The following PCDHGA5 variants were observed in gnomAD, a reference collection of about 807,000 sequenced individuals.
PCDHGA5 encodes the protein protocadherin gamma-A5.
In PCDHGA5, 36 loss-of-function variants were observed where a neutral mutation model predicts 56.7. The observed-to-expected ratio is 0.64, with a 90% confidence interval of 0.49 to 0.84. PCDHGA5 has a LOEUF of 0.84. Among genes scored for constraint, PCDHGA5 ranks in the 40% least tolerant of loss-of-function variants. The pLI is 0.00. For synonymous variants in PCDHGA5, 563 were observed against 520.2 expected (o/e 1.08, Z -1.12); for missense variants, 1,305 against 1,201.5 (o/e 1.09, Z -1.27).
intron 1 of PCDHGA5, among the ~76,000 whole-genome samples, chr5:141,381,671 T>TGCTGCAGCCAAGACAA (rs1777346396): frequency 6.6e-6 from 1 of 152,206 alleles, no homozygotes; most frequent in Non-Finnish European, 1.5e-5. Flanking sequence ...TATAGCTGAT[T>TGCTGCAGCCAAGACAA]GCTGCAGCCA....
intron 1 of PCDHGA5, chr5:141,384,871 G>C (rs769607351): frequency 6.2e-7 from 1 of 1,613,766 alleles, no homozygotes; most frequent in Non-Finnish European, 8.5e-7. Context: ...GTCAGCCACC[G>C]TCACACTCAC....
Position 141,441,858 on chromosome 5 carries a change from C to T in PCDHGA5, c.2422-52949C>T, listed in dbSNP as rs535716058. The T allele has an allele frequency of 6.0e-5, 21 of 349,416 alleles. No homozygotes were observed. The East Asian group carries it at 7.4e-4, about 12-fold the overall frequency. The allele number at this position is 349,416 out of a possible 1,614,324, so 21.6% of individuals were successfully genotyped here. On this transcript the variant is annotated intron_variant, in intron 1 of 3. Coordinates refer to ENST00000518069, the MANE Select transcript of PCDHGA5 (RefSeq NM_018918.3). ...TCGCGCTCTTGGATATGGTGCTGCA[C>T]GCCGCGGAGCCTGGCTACCTGGTCA...
intron 1 of PCDHGA5, chr5:141,410,146 C>G: frequency 6.2e-7 from 1 of 1,612,390 alleles, no homozygotes. Flanking sequence ...CTGTGCGTGA[C>G]GGTGGACAGC....
At chr5:141,383,365 G>A (rs763555331) in intron 1 of PCDHGA5, 9 of 1,614,014 alleles carry the variant, frequency 5.6e-6, no homozygotes, top group Admixed American at 3.3e-5. Flanking sequence ...TCCGTTAAGC[G>A]AGGCTGGGGA....
intron 1 of PCDHGA5, chr5:141,393,555 C>T (rs1561643318): frequency 1.2e-6 from 2 of 1,613,808 alleles, no homozygotes; most frequent in Admixed American, 3.3e-5. Context: ...CCCGATTTAC[C>T]GAGTGAAAGT....
rs1440567853 is a variant in PCDHGA5, at chr5:141,366,623, AAG to A, written c.2296_2297del (p.His767ProfsTer14). On this transcript the variant is annotated frameshift_variant, in exon 1 of 4. Coordinates refer to ENST00000518069, the MANE Select transcript of PCDHGA5 (RefSeq NM_018918.3). LOFTEE classifies it high-confidence loss of function. ...HEVSLTADSR[K>X]SHLIFPQPNY... Reference sequence around the variant, plus strand: ...GGTCTCCCTCACCGCGGACTCGAGGAAGAGTCACCTGATCTTTCCCCAGCCCA... The same window carrying A: ...GGTCTCCCTCACCGCGGACTCGAGGAAGTCACCTGATCTTTCCCCAGCCCA... The A allele has an allele frequency of 1.2e-6, 2 of 1,614,242 alleles. No individual in the cohort carries two copies. Among genetic ancestry groups the A allele is most frequent in the East Asian group, 2.2e-5 (1 of 44,872 alleles).
intron 1 of PCDHGA5, chr5:141,366,971 C>T (rs1764884067): frequency 3.5e-6 from 2 of 572,978 alleles, no homozygotes; most frequent in Admixed American, 7.6e-5. Flanking sequence ...GAAACAAATA[C>T]CTTAAAGGAA....
chr5:141,378,324 A>G (rs1774802625), intron 1 of PCDHGA5: 1 of 152,258 alleles, frequency 6.6e-6, no homozygotes, highest in African/African-American at 2.4e-5. Flanking sequence ...GGAGTTCGAG[A>G]CCAGCCTGAC....
intron 1 of PCDHGA5, chr5:141,394,247 C>A (rs1414649061): frequency 1.2e-6 from 2 of 1,613,854 alleles, no homozygotes; most frequent in African/African-American, 1.3e-5. Flanking sequence ...CTGCACACGA[C>A]CCCGACAGCC....
At chr5:141,456,815 T>A (rs867637586) in intron 1 of PCDHGA5, among the ~76,000 whole-genome samples, 5 of 151,934 alleles carry the variant, frequency 3.3e-5, no homozygotes, top group Non-Finnish European at 7.4e-5. Flanking sequence ...ATACAAAAAA[T>A]TAGCCATCGT....
intron 1 of PCDHGA5, chr5:141,419,908 C>T: frequency 1.2e-6 from 2 of 1,613,976 alleles, no homozygotes; most frequent in Non-Finnish European, 1.7e-6. Context: ...CACCCTCTGA[C>T]TCCCAGGCTG....
intron 1 of PCDHGA5, chr5:141,370,265 A>T: frequency 2.6e-6 from 2 of 758,286 alleles, no homozygotes; most frequent in South Asian, 4.5e-5. Flanking sequence ...GGCTTCCTGC[A>T]GCGGAGACAC....
At chr5:141,506,668 C>A (rs2099855518) in intron 3 of PCDHGA5, among the ~76,000 whole-genome samples, 1 of 152,100 alleles carries the variant, frequency 6.6e-6, no homozygotes, top group Admixed American at 6.6e-5. Context: ...AGTAAGGGCA[C>A]AATATATTAT....
Position 141,432,602 on chromosome 5 carries a change from G to A in PCDHGA5, c.2422-62205G>A. The A allele has an allele frequency of 6.2e-7, 1 of 1,613,966 alleles. No homozygotes were observed. Among genetic ancestry groups the A allele is most frequent in the Non-Finnish European group, 8.5e-7 (1 of 1,179,972 alleles). On this transcript the variant is annotated intron_variant, in intron 1 of 3. Transcript: ENST00000518069. This position sits in a 1 kb window ranked among gnomAD's most constrained non-coding sequence, Gnocchi z 6.0. ...CCGTCTGCTCAAGGCCAGCGAGCCG[G>A]GACTCTTCTCGGTGGGTCTGCACAC...
In PCDHGA5 at chr5:141,485,735, G is replaced by A; in HGVS notation, c.2422-9072G>A. 6.2e-7 allele frequency: 1 copy of A among 1,614,166 alleles called. No homozygotes were observed. The highest frequency in any genetic ancestry group is 8.5e-7 in the Non-Finnish European group (1 of 1,180,036). On this transcript the variant is annotated intron_variant, in intron 1 of 3. Coordinates refer to ENST00000518069, the MANE Select transcript of PCDHGA5 (RefSeq NM_018918.3). The surrounding 1 kb of genome is among the most constrained non-coding windows in gnomAD (Gnocchi z 5.7). Reference sequence around the variant, plus strand: ...ACTGGATGTGAAGAAGCGCAGCGACGGCAGCCTGGTCCCAGAGCTGCTCCT... The same window carrying A: ...ACTGGATGTGAAGAAGCGCAGCGACAGCAGCCTGGTCCCAGAGCTGCTCCT...
intron 1 of PCDHGA5, among the ~76,000 whole-genome samples, chr5:141,435,715 A>G (rs528951395): frequency 6.6e-6 from 1 of 152,328 alleles, no homozygotes; most frequent in African/African-American, 2.4e-5. Context: ...ACAGACACTG[A>G]ATGCTAAAGT....
intron 1 of PCDHGA5, chr5:141,419,926 G>T: frequency 6.2e-7 from 1 of 1,614,096 alleles, no homozygotes; most frequent in South Asian, 1.1e-5. Flanking sequence ...CTGAGATGCA[G>T]TTTTACCTGG....
chr5:141,366,741 G>A lies in PCDHGA5; in HGVS notation c.2411G>A (p.Arg804Gln), dbSNP rs772947820. 7.4e-6 allele frequency: 12 copies of A among 1,611,708 alleles called. No homozygotes were observed. The highest frequency in any genetic ancestry group is 1.3e-5 in the African/African-American group (1 of 74,862). The change falls in exon 1 of 4, where the codon CGG (arginine) becomes CAG (glutamine). Residue 804 changes from arginine to glutamine, a missense_variant. Physicochemically the swap from Arg to Gln is conservative, Grantham distance 43 (BLOSUM62 1). Coordinates refer to ENST00000518069, the MANE Select transcript of PCDHGA5 (RefSeq NM_018918.3). ...SDKVDANKEE[R>Q]RVQQAPPNTD... is the part of the protein sequence containing the mutation. ...AAGGTAGATGCAAACAAAGAAGAAC[G>A]GCGAGTTCAGGTTAGTTTTCTCTTT...
At chr5:141,497,143 GA>G (rs928640875) in intron 2 of PCDHGA5, among the ~76,000 whole-genome samples, 7 of 149,992 alleles carry the variant, frequency 4.7e-5, no homozygotes, top group African/African-American at 9.8e-5. Context: ...CTGAGATCAC[GA>G]AAAAAAAATA....
Sources: gnomAD v4.1 joint callset for allele counts (sites outside exome capture counted in the v4.1 genomes callset) on GRCh38, gnomAD v4.1.1 for gene constraint, Gnocchi (gnomAD v3.1) non-coding constraint, MANE v1.5 for transcripts, NCBI Gene and HGNC (gene_info 2026-07-23, HGNC 2026-07-21) for gene names.